FNBP1L: variants seen among roughly 807,000 people sequenced by gnomAD.
FNBP1L encodes formin binding protein 1 like, also known as formin-binding protein 1-like.
Under a neutral mutation model 91.2 loss-of-function variants are expected in FNBP1L, and 36 were observed. The ratio of observed to expected loss-of-function variants is 0.39; its 90% CI spans 0.30 to 0.52. The LOEUF is 0.52. FNBP1L is among the 20% of genes least tolerant of loss of function. FNBP1L has a pLI of 0.66. For missense variants in FNBP1L, 571 were observed against 732.1 expected, an observed-to-expected ratio of 0.78 and a Z score of 2.54; for synonymous variants, 242 against 237.0, an observed-to-expected ratio of 1.02 and a Z score of -0.19.
intron 1 of FNBP1L, among the ~76,000 whole-genome samples, chr1:93,449,945 A>G (rs1668431580): frequency 6.6e-6 from 1 of 151,846 alleles, no homozygotes; most frequent in South Asian, 2.1e-4. Flanking sequence ...ATTCGTTTTT[A>G]TAATTACAAA....
chr1:93,528,918 G>C (rs1269036730), intron 5 of FNBP1L, among the ~76,000 whole-genome samples: 2 of 152,092 alleles, frequency 1.3e-5, no homozygotes, highest in African/African-American at 4.8e-5. Context: ...ATGTAGGAAA[G>C]AAAATGTAAT....
chr1:93,455,050 T>C (rs533101263), intron 1 of FNBP1L, among the ~76,000 whole-genome samples: 1 of 152,132 alleles, frequency 6.6e-6, no homozygotes, highest in Admixed American at 6.5e-5. Context: ...TGCCTCAGCC[T>C]TCCGAGTAGC....
intron 1 of FNBP1L, among the ~76,000 whole-genome samples, chr1:93,472,811 CAAAAAAAAAAAAAAAAAAAAAAAA>C (rs57548632): frequency 2.1e-5 from 1 of 46,860 alleles, no homozygotes; most frequent in African/African-American, 9.2e-5. Context: ...GACTCCATCT[CAAAAAAAAAAAAAAAAAAAAAAAA>C]AAAAAAAAAA....
At chr1:93,510,238 T>C (rs980330254) in intron 2 of FNBP1L, among the ~76,000 whole-genome samples, 12 of 152,102 alleles carry the variant, frequency 7.9e-5, no homozygotes, top group Admixed American at 7.2e-4. Context: ...ACAGTGGTTC[T>C]CCCAGCACAC....
intron 14 of FNBP1L, among the ~76,000 whole-genome samples, chr1:93,548,870 T>C (rs188012267): frequency 6.6e-6 from 1 of 152,124 alleles, no homozygotes; most frequent in Admixed American, 6.6e-5. Context: ...CACTCCAGAT[T>C]CAGAATAGAA....
At chr1:93,538,434 T>C (rs1442345316) in intron 10 of FNBP1L, among the ~76,000 whole-genome samples, 1 of 152,078 alleles carries the variant, frequency 6.6e-6, no homozygotes, top group Admixed American at 6.6e-5. Context: ...CCCAGATTTA[T>C]TATTAGCTAT....
At chr1:93,514,120 C>T (rs1041121164) in intron 2 of FNBP1L, among the ~76,000 whole-genome samples, 2 of 151,966 alleles carry the variant, frequency 1.3e-5, no homozygotes, top group Admixed American at 6.5e-5. Context: ...TTCTTATACA[C>T]CAACAACAGA....
intron 1 of FNBP1L, among the ~76,000 whole-genome samples, chr1:93,458,383 G>A (rs1004149991): frequency 1.1e-4 from 17 of 152,128 alleles, no homozygotes; most frequent in African/African-American, 4.1e-4. Flanking sequence ...TCCTGCCCCA[G>A]CCTCTCAAAG....
At chr1:93,472,369 TA>T (rs1286332071) in intron 1 of FNBP1L, among the ~76,000 whole-genome samples, 1 of 152,188 alleles carries the variant, frequency 6.6e-6, no homozygotes, top group East Asian at 1.9e-4. Flanking sequence ...GTATCTTGTC[TA>T]AAACTACTTC....
intron 11 of FNBP1L, among the ~76,000 whole-genome samples, chr1:93,543,163 A>G (rs1418104953): frequency 6.6e-6 from 1 of 152,192 alleles, no homozygotes; most frequent in Admixed American, 6.5e-5. Flanking sequence ...TGGAGTATAT[A>G]TAAAGATTTA....
intron 8 of FNBP1L, among the ~76,000 whole-genome samples, chr1:93,533,466 A>G (rs984713852): frequency 2.0e-5 from 3 of 152,160 alleles, no homozygotes; most frequent in Non-Finnish European, 2.9e-5. Flanking sequence ...GTGATGACCA[A>G]TGAGGAGGAG....
rs145374422 is a variant in FNBP1L, at chr1:93,466,994, G to C, written c.24+18689G>C. On this transcript the variant is annotated intron_variant, in intron 1 of 16. Transcript: ENST00000271234. ...GCCTCAGCCTCCAGAGTAGCTGGAA[G>C]TACAGGTGTGCGCCACCATACCTGG... 1.9e-3 allele frequency among the ~76,000 whole-genome samples: 290 copies of C among 152,210 alleles called. 2 individuals carry two copies. Among genetic ancestry groups the C allele is most frequent in the African/African-American group, 6.7e-3 (279 of 41,542 alleles).
In FNBP1L at chr1:93,456,640, C is replaced by T. The variant is rs368418996; in HGVS notation, c.24+8335C>T. Among the ~76,000 whole-genome samples the T allele has an allele frequency of 1.7e-4, 25 of 143,704 alleles. 1 individual carries two copies. The highest frequency in any genetic ancestry group is 1.2e-3 in the East Asian group (6 of 4,886). The allele number at this position is 143,704 out of a possible 152,430, so 94.3% of individuals were successfully genotyped here. A position where few individuals can be genotyped will look rare whatever the true frequency, so the allele number is the denominator to read the frequency against. On this transcript the variant is annotated intron_variant, in intron 1 of 16. Transcript: ENST00000271234. ...AAAAAAAAAGCAAAAATAAGCTGGG[C>T]GTGGTGGTGGGCACCTGTAGTCCCA...
intron 2 of FNBP1L, among the ~76,000 whole-genome samples, chr1:93,516,381 T>A (rs1435934509): frequency 6.6e-6 from 1 of 152,194 alleles, no homozygotes; most frequent in Non-Finnish European, 1.5e-5. Flanking sequence ...CCTTGTCCAC[T>A]TACGGTGACT....
At chr1:93,529,560 A>T (rs1188674604) in intron 5 of FNBP1L, 92 bp from the exon 6 acceptor site, 1 of 729,528 alleles carries the variant, frequency 1.4e-6, no homozygotes, top group Non-Finnish European at 2.1e-6. Flanking sequence ...CATCTATGTT[A>T]GTTATTTCTC....
chr1:93,537,047 A>G lies in FNBP1L; in HGVS notation c.1149+557A>G, dbSNP rs1250033256. On this transcript the variant is annotated intron_variant, in intron 10 of 16. Coordinates refer to ENST00000271234, the MANE Select transcript of FNBP1L (RefSeq NM_001164473.3). ...AAATAGATTGTAAATTGTAAAGCCT[A>G]CAAAAATACTAGATATCACTGAGTA... Among the ~76,000 whole-genome samples, 3 of 152,098 alleles carry G rather than the reference A, an allele frequency of 2.0e-5. No homozygotes were observed. The East Asian group carries it at 5.8e-4, about 29-fold the overall frequency.
chr1:93,505,743 GTCTTTGAAGAGGAACC>G (rs1670588610), intron 2 of FNBP1L, among the ~76,000 whole-genome samples: 1 of 152,192 alleles, frequency 6.6e-6, no homozygotes, highest in Non-Finnish European at 1.5e-5. Flanking sequence ...GGGGAGGAAA[GTCTTTGAAGAGGAACC>G]TCTACTTTAC....
At chr1:93,497,149 A>G (rs1033890671) in intron 1 of FNBP1L, among the ~76,000 whole-genome samples, 16 of 152,202 alleles carry the variant, frequency 1.1e-4, no homozygotes, top group African/African-American at 3.6e-4. Flanking sequence ...TTTTTAGTAC[A>G]GACGGGGTTT....
intron 1 of FNBP1L, among the ~76,000 whole-genome samples, chr1:93,453,425 GCT>G (rs1216829656): frequency 6.6e-6 from 1 of 151,842 alleles, no homozygotes; most frequent in African/African-American, 2.4e-5. Flanking sequence ...TAAAATATTT[GCT>G]CTCTCTCCTT....
Sources: allele counts gnomAD v4.1 joint callset (sites outside exome capture counted in the v4.1 genomes callset), GRCh38; gene constraint gnomAD v4.1.1; transcripts MANE v1.5; gene names NCBI Gene and HGNC (gene_info 2026-07-23, HGNC 2026-07-21).